CPO: variants seen among roughly 807,000 people sequenced by gnomAD.
CPO encodes the protein carboxypeptidase O, also known as metallocarboxypeptidase C.
CPO carries 43 observed loss-of-function variants against 41.2 expected under a neutral mutation model. The ratio of observed to expected loss-of-function variants is 1.04; its 90% CI spans 0.82 to 1.35. The LOEUF is 1.35. CPO is among the 40% of genes most tolerant of loss of function. The probability of loss-of-function intolerance (pLI) is 0.00; values close to 1 mark genes in which losing one functional copy is unlikely to be tolerated. For synonymous variants in CPO, 178 were observed against 162.7 expected, an observed-to-expected ratio of 1.09 and a Z score of -0.72; for missense variants, 408 against 451.7, an observed-to-expected ratio of 0.90 and a Z score of 0.88.
At chr2:206,966,587 G>A (rs767070584) in intron 7 of CPO, among the ~76,000 whole-genome samples, 2 of 151,906 alleles carry the variant, frequency 1.3e-5, no homozygotes, top group Non-Finnish European at 2.9e-5. Context: ...CAGTGTAAAT[G>A]ATTAAATCAG....
In CPO at chr2:206,966,131, T is replaced by C. The variant is rs116484068; in HGVS notation, c.778-2132T>C. Reference sequence around the variant, plus strand: ...AGAAGGGTAAACTGGAAAGACTGTTTCCTACCCCACAGCCAGGATTCGAGG... The same window carrying C: ...AGAAGGGTAAACTGGAAAGACTGTTCCCTACCCCACAGCCAGGATTCGAGG... On this transcript the variant is annotated intron_variant, in intron 7 of 8. Coordinates refer to ENST00000272852, the MANE Select transcript of CPO (RefSeq NM_173077.3). Among the ~76,000 whole-genome samples the C allele has an allele frequency of 5.9e-3, 903 of 152,102 alleles. 13 individuals are homozygous for C. Among genetic ancestry groups the C allele is most frequent in the African/African-American group, 0.021 (856 of 41,472 alleles).
chr2:206,954,108 G>T (rs1162686090), intron 2 of CPO, among the ~76,000 whole-genome samples: 1 of 152,130 alleles, frequency 6.6e-6, no homozygotes, highest in African/African-American at 2.4e-5. Flanking sequence ...TGCTGTGAAG[G>T]TCTCTCACAT....
intron 2 of CPO, among the ~76,000 whole-genome samples, chr2:206,950,163 A>T (rs944658548): frequency 4.6e-5 from 7 of 152,150 alleles, no homozygotes; most frequent in Non-Finnish European, 1.0e-4. Context: ...AAGAGGGGAA[A>T]ACTTTTTAAA....
intron 2 of CPO, among the ~76,000 whole-genome samples, chr2:206,950,211 C>T (rs1207624997): frequency 6.6e-6 from 1 of 152,104 alleles, no homozygotes; most frequent in African/African-American, 2.4e-5. Context: ...GGACTAATAT[C>T]CAGAATCTAC....
intron 1 of CPO, among the ~76,000 whole-genome samples, chr2:206,941,155 T>C (rs1693022835): frequency 1.3e-5 from 2 of 152,004 alleles, no homozygotes; most frequent in African/African-American, 4.8e-5. Context: ...AACTAAAGTC[T>C]GAAAGAGTTT....
In CPO at chr2:206,961,176, T is replaced by C. The variant is rs541508832; in HGVS notation, c.574+234T>C. 2.1e-3 allele frequency among the ~76,000 whole-genome samples: 323 copies of C among 152,272 alleles called. 2 individuals carry two copies. Among genetic ancestry groups the C allele is most frequent in the African/African-American group, 7.5e-3 (311 of 41,562 alleles). ...TGGCTAAACAAGAAAAAAGTAGACC[T>C]AGACCAGTGTGAATATATTTCAAAT... is the stretch of plus-strand genomic sequence containing the variant. On this transcript the variant is annotated intron_variant, in intron 6 of 8. Coordinates refer to ENST00000272852, the MANE Select transcript of CPO (RefSeq NM_173077.3).
intron 1 of CPO, among the ~76,000 whole-genome samples, chr2:206,942,867 AT>A (rs1312382442): frequency 1.3e-5 from 2 of 152,178 alleles, no homozygotes; most frequent in East Asian, 3.8e-4. Context: ...AGGTTTACAT[AT>A]TGTGTTTCAG....
intron 1 of CPO, among the ~76,000 whole-genome samples, chr2:206,946,126 C>G (rs1270720662): frequency 2.6e-5 from 4 of 152,002 alleles, no homozygotes; most frequent in African/African-American, 9.7e-5. Flanking sequence ...TGCTTCCTAA[C>G]TCATTTTATG....
chr2:206,962,704 A>G, intron 7 of CPO, 90 bp downstream of exon 7: 1 of 1,071,778 alleles, frequency 9.3e-7, no homozygotes, highest in Non-Finnish European at 1.4e-6. Context: ...TTTTGGCTCC[A>G]GCCACCCTTT....
chr2:206,946,241 A>G (rs142842482), intron 1 of CPO, among the ~76,000 whole-genome samples: 148 of 152,310 alleles, frequency 9.7e-4, no homozygotes, highest in African/African-American at 3.5e-3. Flanking sequence ...ATGAAATAGT[A>G]GCAAATCAAA....
chr2:206,948,086 A>G (rs1276434011), intron 1 of CPO, among the ~76,000 whole-genome samples: 1 of 152,222 alleles, frequency 6.6e-6, no homozygotes, highest in Non-Finnish European at 1.5e-5. Context: ...TATTTATCCA[A>G]ATGAATTGAA....
At chr2:206,947,130 G>A (rs1278654330) in intron 1 of CPO, among the ~76,000 whole-genome samples, 1 of 152,086 alleles carries the variant, frequency 6.6e-6, no homozygotes, top group Non-Finnish European at 1.5e-5. Flanking sequence ...TATTGAAAGA[G>A]AAGAACAAAG....
At chr2:206,951,575 T>G (rs1693264865) in intron 2 of CPO, among the ~76,000 whole-genome samples, 2 of 152,218 alleles carry the variant, frequency 1.3e-5, no homozygotes, top group Non-Finnish European at 2.9e-5. Context: ...GATTTATACT[T>G]TCTTATATAG....
chr2:206,939,561 C>A lies in CPO; in HGVS notation c.-39C>A, dbSNP rs1188720062. 2.6e-6 allele frequency: 4 copies of A among 1,563,654 alleles called. No homozygotes were observed. In the African/African-American group the frequency reaches 5.4e-5, roughly 21 times the overall value. On this transcript the variant is annotated 5_prime_UTR_variant, in exon 1 of 9. Transcript: ENST00000272852. ...TTCTCAAGGACACTTGATCCACTGC[C>A]AGAGAGGCCCAGAATTTTCTAACTT...
intron 2 of CPO, among the ~76,000 whole-genome samples, chr2:206,951,167 C>A (rs953245697): frequency 6.6e-6 from 1 of 152,044 alleles, no homozygotes; most frequent in Non-Finnish European, 1.5e-5. Context: ...TTATACCTTA[C>A]AACTACACCC....
chr2:206,949,221 G>A (rs1051502762), intron 1 of CPO, among the ~76,000 whole-genome samples: 1 of 152,158 alleles, frequency 6.6e-6, no homozygotes, highest in Non-Finnish European at 1.5e-5. Context: ...GATAATAAGA[G>A]TACCTATCTC....
At chr2:206,953,922 G>A (rs576136830) in intron 2 of CPO, among the ~76,000 whole-genome samples, 1 of 152,292 alleles carries the variant, frequency 6.6e-6, no homozygotes, top group African/African-American at 2.4e-5. Context: ...CAAGGCTTTG[G>A]GCTTTCACCC....
At chr2:206,943,376 G>A (rs994437544) in intron 1 of CPO, among the ~76,000 whole-genome samples, 10 of 152,032 alleles carry the variant, frequency 6.6e-5, no homozygotes, top group African/African-American at 2.2e-4. Context: ...GAGTTAAAAG[G>A]ATATCCTCTT....
chr2:206,958,191 G>T, intron 3 of CPO, 110 bp from the exon 4 acceptor site: 1 of 576,740 alleles, frequency 1.7e-6, no homozygotes, highest in South Asian at 2.8e-5. Context: ...TGAAACCACA[G>T]AGTGGAGTGA....
Sources: gnomAD v4.1 joint callset for allele counts (sites outside exome capture counted in the v4.1 genomes callset) on GRCh38, gnomAD v4.1.1 for gene constraint, MANE v1.5 for transcripts, NCBI Gene and HGNC (gene_info 2026-07-23, HGNC 2026-07-21) for gene names.